Variants in MACROH2A1 observed in about 807,000 individuals in gnomAD.
MACROH2A1 encodes core histone macro-H2A.1.
Under a neutral mutation model 31.6 loss-of-function variants are expected in MACROH2A1, and 2 were observed. The ratio of observed to expected loss-of-function variants is 0.06; its 90% CI spans 0.03 to 0.20. MACROH2A1 has a LOEUF of 0.20. MACROH2A1 is among the 10% of genes least tolerant of loss of function. MACROH2A1 has a pLI of 1.00. For synonymous variants in MACROH2A1, 169 were observed against 189.6 expected, an observed-to-expected ratio of 0.89 and a Z score of 0.89; for missense variants, 230 against 474.0, an observed-to-expected ratio of 0.49 and a Z score of 4.78.
At chr5:135,396,358 T>C (rs1767981142) in intron 1 of MACROH2A1, among the ~76,000 whole-genome samples, 1 of 152,188 alleles carries the variant, frequency 6.6e-6, no homozygotes, top group Admixed American at 6.5e-5. Flanking sequence ...CCTGATCCTG[T>C]CTCTCTCCTG....
intron 5 of MACROH2A1, 30 bp downstream of exon 5, chr5:135,360,467 C>G (rs759234128): frequency 7.7e-6 from 11 of 1,420,770 alleles, no homozygotes; most frequent in Non-Finnish European, 1.0e-5. Flanking sequence ...TTGGGGCCCT[C>G]GAGTAGACTG....
At chr5:135,350,464 G>A (rs921410208) in intron 6 of MACROH2A1, among the ~76,000 whole-genome samples, 2 of 152,132 alleles carry the variant, frequency 1.3e-5, no homozygotes, top group Non-Finnish European at 2.9e-5. Flanking sequence ...AGAGTGCATG[G>A]AGATGGTCTT....
intron 2 of MACROH2A1, among the ~76,000 whole-genome samples, chr5:135,379,964 C>T (rs1765434187): frequency 6.6e-6 from 1 of 152,176 alleles, no homozygotes. Context: ...TACTGTTTGC[C>T]AGCAACAGCT....
At chr5:135,349,469 A>T (rs1249831792) in intron 6 of MACROH2A1, among the ~76,000 whole-genome samples, 2 of 152,256 alleles carry the variant, frequency 1.3e-5, no homozygotes, top group East Asian at 3.9e-4. Flanking sequence ...CTGACTTTCC[A>T]TCCAGTTTGT....
At chr5:135,360,378 C>T in intron 5 of MACROH2A1, 119 bp downstream of exon 5, 1 of 691,754 alleles carries the variant, frequency 1.4e-6, no homozygotes, top group Non-Finnish European at 2.5e-6. Flanking sequence ...ACAGCCCACT[C>T]TGTCTACCCA....
intron 1 of MACROH2A1, among the ~76,000 whole-genome samples, chr5:135,395,686 T>C (rs1171338072): frequency 1.3e-5 from 2 of 152,220 alleles, no homozygotes; most frequent in South Asian, 2.1e-4. Flanking sequence ...GTGGATATAC[T>C]AGACAACCAT....
intron 4 of MACROH2A1, among the ~76,000 whole-genome samples, chr5:135,367,310 T>C (rs1455129860): frequency 1.3e-5 from 2 of 152,182 alleles, no homozygotes; most frequent in Non-Finnish European, 2.9e-5. Flanking sequence ...CAAATACTGG[T>C]ACAGTAAGTA....
chr5:135,354,694 T>G, intron 5 of MACROH2A1: 4 of 220,230 alleles, frequency 1.8e-5, no homozygotes, highest in South Asian at 1.2e-4. Flanking sequence ...CACTGGGGAG[T>G]AGGGGTGTGG....
intron 1 of MACROH2A1, among the ~76,000 whole-genome samples, chr5:135,395,644 G>A (rs534533330): frequency 1.4e-4 from 21 of 152,194 alleles, no homozygotes; most frequent in African/African-American, 3.1e-4. Flanking sequence ...AATGATTAAC[G>A]GTGTCACCCG....
At chr5:135,383,700 G>GGTGTGGTGTGTGT (rs1554099983) in intron 2 of MACROH2A1, among the ~76,000 whole-genome samples, 2 of 137,150 alleles carry the variant, frequency 1.5e-5, no homozygotes, top group African/African-American at 5.8e-5. Context: ...GATGTGGTGT[G>GGTGTGGTGTGTGT]GTGTGTGTGT....
rs779302810 is a variant in MACROH2A1, at chr5:135,388,916, A to G, written c.172+6T>C. The stretch of plus-strand genomic sequence containing the variant: ...GTGGTGTCTGGGTTGACTGAGGTAC[A>G]CTCACCTGTCAGGTATTCCAGGACG... On this transcript the variant is annotated splice_donor_region_variant and intron_variant, in intron 2 of 8. Coordinates refer to ENST00000511689, the MANE Select transcript of MACROH2A1 (RefSeq NM_138610.3). 6.3e-7 allele frequency: 1 copy of G among 1,596,238 alleles called. No homozygotes were observed. The highest frequency in any genetic ancestry group is 8.6e-7 in the Non-Finnish European group (1 of 1,165,768).
rs1172204682 is a variant in MACROH2A1, at chr5:135,335,057, G to A, written c.1038C>T (p.Ile346=). Residue 346 remains isoleucine, a synonymous_variant, in exon 9 of 9, where the codon ATC becomes ATT. Coordinates refer to ENST00000511689, the MANE Select transcript of MACROH2A1 (RefSeq NM_138610.3). ...SYFVSTMSSS[I]KTVYFVLFDS... ...CAAAAAGCACGAAGTACACCGTTTT[G>A]ATGGAAGAGGACATTGTAGACACGA... is the stretch of plus-strand genomic sequence containing the variant. 6.2e-7 allele frequency: 1 copy of A among 1,613,424 alleles called. No homozygotes were observed.
intron 1 of MACROH2A1, among the ~76,000 whole-genome samples, chr5:135,396,053 A>C (rs1239058931): frequency 6.6e-6 from 1 of 152,154 alleles, no homozygotes; most frequent in Admixed American, 6.5e-5. Context: ...TTGAAATTTC[A>C]CCTCTGCAAA....
At chr5:135,372,908 TG>T (rs1235983997) in intron 2 of MACROH2A1, among the ~76,000 whole-genome samples, 11 of 152,240 alleles carry the variant, frequency 7.2e-5, no homozygotes, top group African/African-American at 2.7e-4. Flanking sequence ...AACGAAGTTT[TG>T]GGCCATCGGT....
rs749461053 is a variant in MACROH2A1, at chr5:135,335,071, T to C, written c.1024A>G (p.Met342Val). 25 of 1,613,398 alleles carry C rather than the reference T, an allele frequency of 1.5e-5. No homozygotes were observed. Among genetic ancestry groups the C allele is most frequent in the East Asian group, 2.2e-5 (1 of 44,888 alleles). ...KAISSYFVST[M>V]SSSIKTVYFV... ...TACACCGTTTTGATGGAAGAGGACATTGTAGACACGAAGTAACTGGAGATG... is the reference window on the plus strand; with the variant it reads ...TACACCGTTTTGATGGAAGAGGACACTGTAGACACGAAGTAACTGGAGATG... Residue 342 changes from methionine to valine, a missense_variant, in exon 9 of 9, where the codon ATG (methionine) becomes GTG (valine). Met to Val is a conservative substitution (Grantham distance 21). Around this residue, in one of 2 missense-constraint regions of MACROH2A1, gnomAD observed 183 missense variants for 319.3 expected, o/e 0.57. Coordinates refer to ENST00000511689, the MANE Select transcript of MACROH2A1 (RefSeq NM_138610.3).
intron 7 of MACROH2A1, chr5:135,345,701 C>T: frequency 2.5e-6 from 1 of 405,092 alleles, no homozygotes; most frequent in Non-Finnish European, 4.5e-6. Flanking sequence ...CCAAACTCAG[C>T]TCCTATAATT....
At position 135,349,488 on chromosome 5, in the gene MACROH2A1, C is replaced by T. The variant is rs184267533; in HGVS notation, c.689-3431G>A. ...CTTTCCATCCAGTTTGTCTTTCCAT[C>T]CATGTCCAAAATCCAAAGTGCCCAG... On this transcript the variant is annotated intron_variant, in intron 6 of 8. Transcript: ENST00000511689. Among the ~76,000 whole-genome samples, 559 of 152,236 alleles carry T rather than the reference C, an allele frequency of 3.7e-3. 1 individual carries two copies. The highest frequency in any genetic ancestry group is 6.4e-3 in the Non-Finnish European group (432 of 68,014).
In MACROH2A1 at chr5:135,353,001, C is replaced by T; in HGVS notation, c.633G>A (p.Glu211=). Residue 211 remains glutamate, a synonymous_variant, in exon 6 of 9, where the codon GAG becomes GAA. Transcript: ENST00000511689. ...HSEISNLAGF[E]VEAIINPTNA... The stretch of plus-strand genomic sequence containing the variant: ...TGGTAGGATTGATTATGGCCTCCAC[C>T]TCAAAGCCGGCTAAATTACTGATTT... 1 of 1,610,570 alleles carries T rather than the reference C, an allele frequency of 6.2e-7. No individual in the cohort carries two copies. The highest frequency in any genetic ancestry group is 1.3e-5 in the African/African-American group (1 of 74,950).
chr5:135,335,612 C>T (rs1197122141), intron 8 of MACROH2A1, among the ~76,000 whole-genome samples: 1 of 152,150 alleles, frequency 6.6e-6, no homozygotes, highest in African/African-American at 2.4e-5. Flanking sequence ...CAGGGGCCAC[C>T]GCCCAGGAAT....
Sources: gnomAD v4.1 joint callset for allele counts (sites outside exome capture counted in the v4.1 genomes callset) on GRCh38, gnomAD v4.1.1 for gene constraint, gnomAD v4.1.1 regional missense constraint, MANE v1.5 for transcripts, NCBI Gene and HGNC (gene_info 2026-07-23, HGNC 2026-07-21) for gene names.